The following IL23R variants were observed in gnomAD, a reference collection of about 807,000 sequenced individuals.
IL23R encodes the protein interleukin 23 receptor, also known as interleukin-23 receptor.
IL23R carries 34 observed loss-of-function variants against 56.9 expected under a neutral mutation model. That is an observed-to-expected ratio of 0.60 (90% CI 0.45 to 0.80). The LOEUF (loss-of-function observed/expected upper bound fraction) is 0.80. IL23R is among the 30% of genes least tolerant of loss of function. The pLI is 0.00. For synonymous variants in IL23R, 230 were observed against 249.2 expected, an observed-to-expected ratio of 0.92 and a Z score of 0.73; for missense variants, 635 against 730.0, an observed-to-expected ratio of 0.87 and a Z score of 1.50.
At chr1:67,219,751 T>C (rs1650121112) in intron 7 of IL23R, 21 bp downstream of exon 7, 1 of 1,607,174 alleles carries the variant, frequency 6.2e-7, no homozygotes, top group Non-Finnish European at 8.5e-7. Flanking sequence ...TTATATATTT[T>C]ATTCTGTTGG....
At chr1:67,200,979 A>C in intron 5 of IL23R, 82 bp downstream of exon 5, 1 of 1,418,458 alleles carries the variant, frequency 7.0e-7, no homozygotes. Context: ...ATCTGAAAGA[A>C]GTTCCCCTAA....
Position 67,219,722 on chromosome 1 carries a change from C to A in IL23R, c.947C>A (p.Pro316His), listed in dbSNP as rs1190102539. The A allele has an allele frequency of 6.2e-7, 1 of 1,613,478 alleles. No individual in the cohort carries two copies. The highest frequency in any genetic ancestry group is 8.5e-7 in the Non-Finnish European group (1 of 1,179,466). ...AGTTCACTGTTTTTTCATAAAACAC[C>A]TGAAACAGGTGAGTGTACTTATATA... ...PWSSLFFHKT[P>H]ETVPQVTSKA... is the part of the protein sequence containing the mutation. Residue 316 changes from proline to histidine, a missense_variant, in exon 7 of 11, where the codon CCT becomes CAT. By Grantham distance (77) the Pro-to-His change is moderately conservative. Coordinates refer to ENST00000347310, the MANE Select transcript of IL23R (RefSeq NM_144701.3).
Position 67,258,515 on chromosome 1 carries a change from A to C in IL23R, c.1277A>C (p.Gln426Pro), listed in dbSNP as rs1558269449. 2 of 1,603,122 alleles carry C rather than the reference A, an allele frequency of 1.2e-6. No individual in the cohort carries two copies. The highest frequency in any genetic ancestry group is 1.7e-6 in the Non-Finnish European group (2 of 1,175,056). ...SELMNNNSSE[Q>P]VLYVDPMITE... is the part of the protein sequence containing the mutation. ...CTTATGAATAATAATTCCAGTGAGCAGGTCCTATATGTTGATCCCATGATT... is the reference window on the plus strand; with the variant it reads ...CTTATGAATAATAATTCCAGTGAGCCGGTCCTATATGTTGATCCCATGATT... Residue 426 changes from glutamine to proline, a missense_variant, in exon 11 of 11, where the codon CAG (glutamine) becomes CCG (proline). By Grantham distance (76) the Gln-to-Pro change is moderately conservative. Transcript: ENST00000347310.
At chr1:67,200,621 G>A in intron 4 of IL23R, 116 bp from the exon 5 acceptor site, 1 of 949,692 alleles carries the variant, frequency 1.1e-6, no homozygotes, top group South Asian at 1.4e-5. Flanking sequence ...CTGACCTCAG[G>A]TGATCCAACC....
At chr1:67,261,857 C>T (rs561285029), downstream of IL23R, among the ~76,000 whole-genome samples, 3 of 152,316 alleles carry the variant, frequency 2.0e-5, no homozygotes, top group African/African-American at 7.2e-5. Context: ...TCCACTGCAG[C>T]GAGTGCCTCC....
At chr1:67,248,212 C>G (rs935584908) in intron 9 of IL23R, among the ~76,000 whole-genome samples, 32 of 152,170 alleles carry the variant, frequency 2.1e-4, no homozygotes, top group African/African-American at 7.5e-4. Context: ...ATGTGTTTTA[C>G]AACTTGGTTC....
At chr1:67,139,028 A>G (rs148008934) in exon 1 of IL23R, 9 of 152,426 alleles carry the variant, frequency 5.9e-5, no homozygotes, top group African/African-American at 1.7e-4. Context: ...GGGAGCCACT[A>G]TGAAGATCCT....
intron 1 of IL23R, among the ~76,000 whole-genome samples, chr1:67,140,298 CAT>C (rs1646624700): frequency 6.6e-6 from 1 of 151,960 alleles, no homozygotes; most frequent in Admixed American, 6.6e-5. Context: ...CAAAAAAAGT[CAT>C]TAAAAATGTA....
intron 1 of IL23R, among the ~76,000 whole-genome samples, chr1:67,149,465 T>A (rs1478943236): frequency 1.3e-5 from 2 of 152,102 alleles, no homozygotes; most frequent in South Asian, 4.1e-4. Context: ...ATTTTGCTTC[T>A]CTTATTCCCC....
At chr1:67,209,411 G>A (rs1017843961) in intron 6 of IL23R, among the ~76,000 whole-genome samples, 29 of 152,288 alleles carry the variant, frequency 1.9e-4, no homozygotes, top group Admixed American at 1.8e-3. Context: ...CCCACATGTT[G>A]TGGGAGGGAG....
intron 4 of IL23R, chr1:67,196,031 G>C (rs1005508307): frequency 3.9e-5 from 6 of 152,190 alleles, no homozygotes; most frequent in African/African-American, 1.4e-4. Flanking sequence ...GTGGAGCCTT[G>C]GTGGAGGGAC....
rs1246576717 is a variant in IL23R at position 67,219,514 on chromosome 1, A to G, written c.799-60A>G. The G allele has an allele frequency of 3.9e-6, 6 of 1,520,592 alleles. No homozygotes were observed. The East Asian group carries it at 1.3e-4, about 34-fold the overall frequency. The allele number at this position is 1,520,592 out of a possible 1,614,324, so 94.2% of individuals were successfully genotyped here. On this transcript the variant is annotated intron_variant, in intron 6 of 10. Transcript: ENST00000347310. Reference sequence around the variant, plus strand: ...AATAGGTGTTCCATACATTTCTGCTAAATAAAATAGTTGTTTTAAAAGCAC... The same window carrying G: ...AATAGGTGTTCCATACATTTCTGCTGAATAAAATAGTTGTTTTAAAAGCAC...
chr1:67,236,915 C>T, intron 8 of IL23R, 113 bp downstream of exon 8: 1 of 725,070 alleles, frequency 1.4e-6, no homozygotes, highest in South Asian at 1.5e-5. Context: ...TAAGATATGC[C>T]TTATGTCTTC....
chr1:67,265,353 A>T, the IL23R span, among the ~76,000 whole-genome samples: 1 of 152,136 alleles, frequency 6.6e-6, no homozygotes. Context: ...TCCCACTCCT[A>T]CCCCATCATC....
chr1:67,164,586 T>G (rs983178368), upstream of IL23R, among the ~76,000 whole-genome samples: 1 of 151,562 alleles, frequency 6.6e-6, no homozygotes, highest in African/African-American at 2.4e-5. Context: ...GAGCCGAGAT[T>G]GTGCCATTGC....
In IL23R at chr1:67,145,379, A is replaced by T. The variant is rs1196449803; in HGVS notation, c.-634+6218A>T. 2.0e-5 allele frequency among the ~76,000 whole-genome samples: 3 copies of T among 152,296 alleles called. No homozygotes were observed. The South Asian group carries it at 6.2e-4, about 32-fold the overall frequency. On this transcript the variant is annotated intron_variant, in intron 1 of 10. Transcript: ENST00000637002. ...GTACATAAAATATTGAATGTCTACC[A>T]TACCCTAATATGGTAGGATGAATAC... is the stretch of plus-strand genomic sequence containing the variant.
chr1:67,181,945 C>T (rs975602804), intron 3 of IL23R, among the ~76,000 whole-genome samples: 52 of 152,254 alleles, frequency 3.4e-4, no homozygotes, highest in South Asian at 1.2e-3. Context: ...TGCAGAACAG[C>T]GAATATTGGT....
intron 1 of IL23R, among the ~76,000 whole-genome samples, chr1:67,156,514 G>A (rs2180296): frequency 0.89 from 134,695 of 152,070 alleles, 59,709 homozygotes; most frequent in East Asian, 1. Flanking sequence ...GCCTTGCCCA[G>A]TGAGGAGGAA....
At chr1:67,211,807 T>TA (rs1570857963) in intron 6 of IL23R, among the ~76,000 whole-genome samples, 1 of 152,302 alleles carries the variant, frequency 6.6e-6, no homozygotes, top group East Asian at 1.9e-4. Context: ...TGGTGCTACA[T>TA]AGGCCATCTT....
Sources: gnomAD v4.1 joint callset for allele counts (sites outside exome capture counted in the v4.1 genomes callset) on GRCh38, gnomAD v4.1.1 for gene constraint, MANE v1.5 for transcripts, NCBI Gene and HGNC (gene_info 2026-07-23, HGNC 2026-07-21) for gene names.